THOC2: variants seen among roughly 807,000 people sequenced by gnomAD.
THOC2 encodes THO complex 2.
THOC2 carries 10 observed loss-of-function variants against 128.4 expected under a neutral mutation model. The observed-to-expected ratio is 0.08, with a 90% CI of 0.05 to 0.13. The LOEUF (loss-of-function observed/expected upper bound fraction) is 0.13, where lower values mean the gene tolerates loss of function less well. THOC2 is among the 10% of genes least tolerant of loss of function. The pLI is 1.00. For synonymous variants in THOC2, 393 were observed against 396.9 expected, an observed-to-expected ratio of 0.99 and a Z score of 0.12; for missense variants, 535 against 1,155.7, an observed-to-expected ratio of 0.46 and a Z score of 7.79.
At chrX:123,647,702 G>A (rs1173663623) in intron 12 of THOC2, among the ~76,000 whole-genome samples, 6 of 108,843 alleles carry the variant, frequency 5.5e-5, no homozygotes, top group African/African-American at 2.0e-4. Context: ...GGGCATGGTG[G>A]CACTCGCCTG....
At chrX:123,657,788 GA>G (rs2048660881) in intron 12 of THOC2, among the ~76,000 whole-genome samples, 1 of 111,466 alleles carries the variant, frequency 9.0e-6, no homozygotes, top group Non-Finnish European at 1.9e-5. Context: ...TCTTTAGAGA[GA>G]AAGAATATAG....
chrX:123,717,926 C>G (rs1300181598), intron 1 of THOC2, among the ~76,000 whole-genome samples: 2 of 112,573 alleles, frequency 1.8e-5, no homozygotes, highest in African/African-American at 6.5e-5. Context: ...ATTCAACCAA[C>G]TGTAGATAGA....
At chrX:123,621,647 A>C (rs1309741724) in intron 30 of THOC2, 60 bp from the exon 31 acceptor site, 2 of 861,837 alleles carry the variant, frequency 2.3e-6, no homozygotes, top group Non-Finnish European at 3.1e-6. Context: ...CCTTTGATAT[A>C]TGATAAAATA....
intron 33 of THOC2, among the ~76,000 whole-genome samples, chrX:123,619,040 G>C (rs919560426): frequency 8.9e-6 from 1 of 112,035 alleles, no homozygotes; most frequent in African/African-American, 3.2e-5. Flanking sequence ...CAGCCTGGCA[G>C]ATTTGTTTTG....
rs182797459 is a variant in THOC2, at chrX:123,629,098, T to C, written c.2482-1130A>G. The stretch of plus-strand genomic sequence containing the variant: ...ATGGGAGGGGCTGCAGAGATGTGTA[T>C]GCCAAATATATTATACATATATATA... On this transcript the variant is annotated intron_variant, in intron 22 of 38. Coordinates refer to ENST00000245838, the MANE Select transcript of THOC2 (RefSeq NM_001081550.2). Among the ~76,000 whole-genome samples the C allele has an allele frequency of 5.0e-4, 54 of 108,503 alleles. 1 individual carries two copies. Among genetic ancestry groups the C allele is most frequent in the African/African-American group, 1.8e-3 (53 of 29,804 alleles). 94.2% of individuals were successfully genotyped at this position (108,503 alleles called of 115,157 possible).
intron 17 of THOC2, among the ~76,000 whole-genome samples, 180 bp from the exon 18 acceptor site, chrX:123,638,303 TTTC>T (rs2047754055): frequency 8.9e-6 from 1 of 112,303 alleles, no homozygotes; most frequent in African/African-American, 3.2e-5. Flanking sequence ...AGTACCAACA[TTTC>T]TTCTTTAGCC....
intron 36 of THOC2, among the ~76,000 whole-genome samples, chrX:123,612,181 C>T (rs2046725167): frequency 9.0e-6 from 1 of 110,965 alleles, no homozygotes; most frequent in African/African-American, 3.3e-5. Flanking sequence ...GGCATATATC[C>T]AAGATAATTA....
chrX:123,624,519 T>C, intron 26 of THOC2, 22 bp downstream of exon 26: 1 of 1,196,976 alleles, frequency 8.4e-7, no homozygotes, highest in Non-Finnish European at 1.1e-6. Flanking sequence ...GGGTAAAATA[T>C]AAGGGTTTTT....
intron 8 of THOC2, among the ~76,000 whole-genome samples, chrX:123,682,002 T>C (rs1483967811): frequency 1.8e-5 from 2 of 111,562 alleles, no homozygotes; most frequent in African/African-American, 3.3e-5. Context: ...GAGGTTGCGA[T>C]GAGCCGAGAT....
chrX:123,667,493 C>T (rs1299760029), intron 10 of THOC2, among the ~76,000 whole-genome samples: 1 of 111,596 alleles, frequency 9.0e-6, no homozygotes, highest in Non-Finnish European at 1.9e-5. Flanking sequence ...AGTCCAGGAA[C>T]ATGGGAGGCT....
chrX:123,615,405 G>C (rs1342785067), intron 33 of THOC2, among the ~76,000 whole-genome samples: 1 of 110,941 alleles, frequency 9.0e-6, no homozygotes, highest in African/African-American at 3.3e-5. Flanking sequence ...ATGTTTAAAA[G>C]TTGATAAACT....
At chrX:123,715,019 CTTTT>C (rs368332983) in intron 1 of THOC2, among the ~76,000 whole-genome samples, 16 of 83,522 alleles carry the variant, frequency 1.9e-4, no homozygotes, top group African/African-American at 6.0e-4. Flanking sequence ...GCAATAAAGG[CTTTT>C]TTTTTTTTTT....
chrX:123,666,925 C>T (rs2049070178), intron 11 of THOC2, among the ~76,000 whole-genome samples, 181 bp downstream of exon 11: 1 of 111,998 alleles, frequency 8.9e-6, no homozygotes, highest in South Asian at 3.7e-4. Context: ...CTGGTCTAGA[C>T]GTTAGAAGAC....
intron 16 of THOC2, among the ~76,000 whole-genome samples, chrX:123,639,537 T>C (rs2047823443): frequency 8.9e-6 from 1 of 111,994 alleles, no homozygotes; most frequent in African/African-American, 3.2e-5. Flanking sequence ...GATTTGGTTT[T>C]CAGCTTGAAC....
At chrX:123,701,705 AG>A (rs1242509757) in intron 4 of THOC2, among the ~76,000 whole-genome samples, 2 of 110,854 alleles carry the variant, frequency 1.8e-5, no homozygotes, top group Non-Finnish European at 3.8e-5. Context: ...AAAAAAAAAA[AG>A]GTAATATCTT....
intron 8 of THOC2, among the ~76,000 whole-genome samples, chrX:123,676,819 T>C (rs2049516883): frequency 8.9e-6 from 1 of 111,864 alleles, no homozygotes; most frequent in South Asian, 3.8e-4. Flanking sequence ...AGATCTTCTA[T>C]ACCCTATCTT....
rs2047331475 is a variant in THOC2, at chrX:123,628,108, G to C, written c.2482-140C>G. 9 of 513,517 alleles carry C rather than the reference G, an allele frequency of 1.8e-5. 1 individual carries two copies. In the South Asian group the frequency reaches 3.0e-4, roughly 17 times the overall value. 42.3% of individuals were successfully genotyped at this position (513,517 alleles called of 1,213,427 possible). A position where few individuals can be genotyped will look rare whatever the true frequency, so the allele number is the denominator to read the frequency against. On this transcript the variant is annotated intron_variant, in intron 22 of 38. Transcript: ENST00000245838. ...TCTCAAAACTGTTGTAGAAATTCTA[G>C]TTTCTTATGAACAACGTTTATTTTA...
intron 27 of THOC2, 39 bp downstream of exon 27, chrX:123,624,021 A>G (rs745725451): frequency 1.7e-6 from 2 of 1,183,916 alleles, no homozygotes; most frequent in African/African-American, 3.5e-5. Flanking sequence ...AAGTATACAG[A>G]GAAAAATTTG....
At chrX:123,642,228 A>ATG (rs2047946642) in intron 15 of THOC2, among the ~76,000 whole-genome samples, 3 of 111,355 alleles carry the variant, frequency 2.7e-5, no homozygotes, top group Non-Finnish European at 5.7e-5. Context: ...GTTCGAGACC[A>ATG]GCCTGGCCAA....
Sources: allele counts gnomAD v4.1 joint callset (sites outside exome capture counted in the v4.1 genomes callset), GRCh38; gene constraint gnomAD v4.1.1; transcripts MANE v1.5; gene names NCBI Gene and HGNC (gene_info 2026-07-23, HGNC 2026-07-21).